Variants in WNT7B observed in about 807,000 individuals in gnomAD.
WNT7B encodes the protein Wnt family member 7B.
A neutral mutation model predicts 38.2 loss-of-function variants in WNT7B; 19 were observed. The observed-to-expected ratio is 0.50, with a 90% CI of 0.35 to 0.73. The LOEUF is 0.73. Ranked by LOEUF, WNT7B falls within the 30% of genes least tolerant of loss-of-function variation. The pLI, the probability that WNT7B is intolerant of heterozygous loss-of-function variation, is 0.01. For synonymous variants in WNT7B, 243 were observed against 209.3 expected (o/e 1.16, Z -1.39); for missense variants, 423 against 507.9 (o/e 0.83, Z 1.61).
intron 1 of WNT7B, among the ~76,000 whole-genome samples, chr22:45,963,205 C>G (rs1025326162): frequency 3.9e-5 from 6 of 152,210 alleles, no homozygotes; most frequent in Non-Finnish European, 5.9e-5. Context: ...CATCTGCATT[C>G]TCCAAAGCAG....
rs749735538 is a variant in WNT7B, at chr22:45,948,827, C to CTTT, written c.298+1090_298+1092dup. ...AACCCAGGTCAGGCTCCAAAGATCC[C>CTTT]TTTTTTTTTTTTTTTTTTTTTTTTT... is the stretch of plus-strand genomic sequence containing the variant. On this transcript the variant is annotated intron_variant, in intron 2 of 3. Coordinates refer to ENST00000339464, the MANE Select transcript of WNT7B (RefSeq NM_058238.3). Among the ~76,000 whole-genome samples the CTTT allele has an allele frequency of 1.0e-3, 90 of 90,154 alleles. 1 individual carries two copies. Among genetic ancestry groups the CTTT allele is most frequent in the African/African-American group, 2.4e-3 (62 of 25,708 alleles). The allele number at this position is 90,154 out of a possible 152,430, so 59.1% of individuals were successfully genotyped here. A position where few individuals can be genotyped will look rare whatever the true frequency, so the allele number is the denominator to read the frequency against.
intron 1 of WNT7B, among the ~76,000 whole-genome samples, chr22:45,957,957 C>T (rs896699545): frequency 1.3e-5 from 2 of 152,192 alleles, no homozygotes; most frequent in African/African-American, 4.8e-5. Context: ...CCTCTCTGGA[C>T]CCTGAATGCG....
intron 3 of WNT7B, among the ~76,000 whole-genome samples, chr22:45,929,567 CTCATT>C (rs1469079809): frequency 1.4e-5 from 2 of 142,520 alleles, no homozygotes; most frequent in African/African-American, 5.5e-5. Context: ...CACCCATCCC[CTCATT>C]CATCCATACT....
At position 45,921,966 on chromosome 22, in the gene WNT7B, G is replaced by C. The variant is rs1930940638; in HGVS notation, c.*890C>G. ...AGTAGAGACAGGGTTTCACCACGTT[G>C]GCCAGGCTGGTCTCGAACTCCTGAC... On this transcript the variant is annotated 3_prime_UTR_variant, in exon 4 of 4. Transcript: ENST00000339464. 6.6e-6 allele frequency: 1 copy of C among 152,122 alleles called. No homozygotes were observed. The highest frequency in any genetic ancestry group is 1.5e-5 in the Non-Finnish European group (1 of 68,044). The allele number at this position is 152,122 out of a possible 1,614,324, so 9.4% of individuals were successfully genotyped here.
rs1263240809 is a variant in WNT7B, at chr22:45,976,834, G to C, written c.-80C>G. The C allele has an allele frequency of 3.8e-6, 5 of 1,322,960 alleles. No homozygotes were observed. In the Admixed American group the frequency reaches 8.2e-5, roughly 22 times the overall value. The allele number at this position is 1,322,960 out of a possible 1,614,324, so 82.0% of individuals were successfully genotyped here. A position where few individuals can be genotyped will look rare whatever the true frequency, so the allele number is the denominator to read the frequency against. ...GCCCGGCAGGGCCGGGCAGGGGCCA[G>C]GGGGCTGCGGGCAGACTGCGCTCAG... On this transcript the variant is annotated 5_prime_UTR_variant, in exon 1 of 4. Transcript: ENST00000339464. The surrounding 1 kb of genome is among the most constrained non-coding windows in gnomAD (Gnocchi z 8.5).
intron 2 of WNT7B, among the ~76,000 whole-genome samples, chr22:45,938,639 A>G (rs529766304): frequency 2.7e-5 from 4 of 149,884 alleles, no homozygotes; most frequent in Admixed American, 2.7e-4. Flanking sequence ...ATCTGTCTTG[A>G]AAAAAAAAAG....
Position 45,976,844 on chromosome 22 carries a change from G to A in WNT7B, c.-90C>T. 1.7e-6 allele frequency: 2 copies of A among 1,211,850 alleles called. No homozygotes were observed. The highest frequency in any genetic ancestry group is 2.1e-6 in the Non-Finnish European group (2 of 954,314). 75.1% of individuals were successfully genotyped at this position (1,211,850 alleles called of 1,614,324 possible). ...GCCGGGCAGGGGCCAGGGGGCTGCGGGCAGACTGCGCTCAGCCCGCGCTGC... is the reference window on the plus strand; with the variant it reads ...GCCGGGCAGGGGCCAGGGGGCTGCGAGCAGACTGCGCTCAGCCCGCGCTGC... On this transcript the variant is annotated 5_prime_UTR_variant, in exon 1 of 4. Coordinates refer to ENST00000339464, the MANE Select transcript of WNT7B (RefSeq NM_058238.3). The surrounding 1 kb of genome is among the most constrained non-coding windows in gnomAD (Gnocchi z 8.5).
chr22:45,936,439 C>T lies in WNT7B; in HGVS notation c.299-5070G>A, dbSNP rs188145890. On this transcript the variant is annotated intron_variant, in intron 2 of 3. Transcript: ENST00000339464. Reference sequence around the variant, plus strand: ...CAGACTGGGCTGGAAACAGCCTCTTCCCCAAGGCCAGCCCCATCGGCCCTG... The same window carrying T: ...CAGACTGGGCTGGAAACAGCCTCTTTCCCAAGGCCAGCCCCATCGGCCCTG... 2.6e-3 allele frequency among the ~76,000 whole-genome samples: 392 copies of T among 152,354 alleles called. 14 individuals carry two copies. The highest frequency in any genetic ancestry group is 0.02 in the Admixed American group (313 of 15,312).
chr22:45,946,416 C>G (rs1163783320), intron 2 of WNT7B, among the ~76,000 whole-genome samples: 5 of 152,194 alleles, frequency 3.3e-5, no homozygotes, highest in African/African-American at 1.2e-4. Context: ...TTGGGGGGCC[C>G]CAGGTTTCCA....
chr22:45,950,533 G>A (rs903797354), intron 1 of WNT7B, among the ~76,000 whole-genome samples: 1 of 152,256 alleles, frequency 6.6e-6, no homozygotes, highest in Non-Finnish European at 1.5e-5. Context: ...CTGTCTCTAA[G>A]CGGCAGACCC....
At chr22:45,929,207 G>C (rs909326094) in intron 3 of WNT7B, among the ~76,000 whole-genome samples, 7 of 152,138 alleles carry the variant, frequency 4.6e-5, no homozygotes, top group African/African-American at 1.4e-4. Flanking sequence ...GATGCCTCCA[G>C]GTAGGTGAAC....
intron 1 of WNT7B, among the ~76,000 whole-genome samples, chr22:45,958,670 A>C (rs1332880770): frequency 6.6e-6 from 1 of 152,146 alleles, no homozygotes; most frequent in Non-Finnish European, 1.5e-5. Flanking sequence ...GTAGCTCAGG[A>C]AGGCAGGGAG....
rs1276307848 is a variant in WNT7B, at chr22:45,932,864, C to T, written c.299-1495G>A. Among the ~76,000 whole-genome samples, 6 of 150,818 alleles carry T rather than the reference C, an allele frequency of 4.0e-5. No individual in the cohort carries two copies. The East Asian group carries it at 1.2e-3, about 29-fold the overall frequency. The stretch of plus-strand genomic sequence containing the variant: ...TGGCATGGTGCAGTCCCCTGCCCAG[C>T]ACCCGCGAGCACCTGCACAGCCCTC... On this transcript the variant is annotated intron_variant, in intron 2 of 3. Transcript: ENST00000339464.
At chr22:45,948,910 T>C (rs982293397) in intron 2 of WNT7B, among the ~76,000 whole-genome samples, 4 of 141,110 alleles carry the variant, frequency 2.8e-5, no homozygotes, top group African/African-American at 7.7e-5. Context: ...AATGGTGCCA[T>C]CTCGGCTCAC....
chr22:45,972,394 C>A lies in WNT7B; in HGVS notation c.71+4290G>T, dbSNP rs1015406258. On this transcript the variant is annotated intron_variant, in intron 1 of 3. Coordinates refer to ENST00000339464, the MANE Select transcript of WNT7B (RefSeq NM_058238.3). ...GGCCCGGGCGCAGTTGTCGCCCGTG[C>A]CCCGCCGCTAGGGCCGCGCATGGCG... 8.0e-5 allele frequency: 24 copies of A among 299,058 alleles called. No individual in the cohort carries two copies. The East Asian group carries it at 1.2e-3, about 15-fold the overall frequency. 18.5% of individuals were successfully genotyped at this position (299,058 alleles called of 1,614,324 possible). A position where few individuals can be genotyped will look rare whatever the true frequency, so the allele number is the denominator to read the frequency against.
chr22:45,972,191 G>A, intron 1 of WNT7B: 1 of 650,180 alleles, frequency 1.5e-6, no homozygotes, highest in Non-Finnish European at 2.8e-6. Flanking sequence ...AAAGATCTGC[G>A]GGCAATAGAC....
In WNT7B at chr22:45,966,962, C is replaced by T. The variant is rs962887912; in HGVS notation, c.71+9722G>A. Among the ~76,000 whole-genome samples the T allele has an allele frequency of 6.6e-6, 1 of 152,184 alleles. No individual in the cohort carries two copies. Among genetic ancestry groups the T allele is most frequent in the African/African-American group, 2.4e-5 (1 of 41,442 alleles). On this transcript the variant is annotated intron_variant, in intron 1 of 3. Transcript: ENST00000339464. This position sits in a 1 kb window ranked among gnomAD's most constrained non-coding sequence, Gnocchi z 4.2. ...TATGCCTCCGGGGCTGGAGAACTCA[C>T]TGCCTCTCTGCCAACAGTGGAGCTG...
intron 3 of WNT7B, among the ~76,000 whole-genome samples, chr22:45,928,522 TAGG>T (rs932414909): frequency 5.3e-5 from 8 of 150,466 alleles, no homozygotes; most frequent in Non-Finnish European, 1.0e-4. Flanking sequence ...ACAAGGCTGG[TAGG>T]AGAATTGGCC....
intron 2 of WNT7B, among the ~76,000 whole-genome samples, chr22:45,947,206 AAC>A (rs1931817360): frequency 6.6e-6 from 1 of 152,220 alleles, no homozygotes; most frequent in African/African-American, 2.4e-5. Context: ...GGATGTGGGG[AAC>A]CAGGGTGAAT....
Sources: gnomAD v4.1 joint callset for allele counts (sites outside exome capture counted in the v4.1 genomes callset) on GRCh38, gnomAD v4.1.1 for gene constraint, Gnocchi (gnomAD v3.1) non-coding constraint, MANE v1.5 for transcripts, NCBI Gene and HGNC (gene_info 2026-07-23, HGNC 2026-07-21) for gene names.